PIH1D2: variants seen among roughly 807,000 people sequenced by gnomAD.
PIH1D2 encodes PIH1 domain containing 2.
PIH1D2 carries 25 observed loss-of-function variants against 31.2 expected under a neutral mutation model. The ratio of observed to expected loss-of-function variants is 0.80; its 90% CI spans 0.58 to 1.12. The LOEUF is 1.12. Ranked by LOEUF, PIH1D2 falls within the 50% of genes most tolerant of loss-of-function variation. The pLI, the probability that PIH1D2 is intolerant of heterozygous loss-of-function variation, is 0.00. For synonymous variants in PIH1D2, 116 were observed against 119.9 expected (o/e 0.97, Z 0.21); for missense variants, 310 against 356.6 (o/e 0.87, Z 1.05).
At chr11:112,062,753 G>C, downstream of PIH1D2, 2 of 529,830 alleles carry the variant, frequency 3.8e-6, no homozygotes, top group Non-Finnish European at 6.7e-6. Flanking sequence ...CAGATTTTTA[G>C]CTCTGTACTC....
chr11:112,063,469 G>C (rs1254794209), downstream of PIH1D2: 1 of 152,558 alleles, frequency 6.6e-6, no homozygotes, highest in Non-Finnish European at 1.5e-5. Context: ...TGTTACTAGA[G>C]TTAGATATGT....
chr11:112,053,442 T>G, the PIH1D2 span, among the ~76,000 whole-genome samples: 2 of 147,650 alleles, frequency 1.4e-5, no homozygotes, highest in African/African-American at 2.6e-5. Flanking sequence ...CAACTGTTTG[T>G]TTTTTTTTGT....
chr11:112,064,483 A>G (rs1864832059), downstream of PIH1D2: 1 of 348,168 alleles, frequency 2.9e-6, no homozygotes, highest in South Asian at 6.7e-5. Context: ...AGCTCTCAAT[A>G]CAGATAAATT....
downstream of PIH1D2, among the ~76,000 whole-genome samples, chr11:112,058,533 A>AG (rs1864260587): frequency 7.2e-6 from 1 of 138,234 alleles, no homozygotes; most frequent in Non-Finnish European, 1.5e-5. Flanking sequence ...GAACACTAGC[A>AG]GGGGCCCTTA....
chr11:112,070,405 A>T (rs1566655266), intron 5 of PIH1D2, 31 bp downstream of exon 5: 1 of 1,600,076 alleles, frequency 6.2e-7, no homozygotes, highest in Non-Finnish European at 8.6e-7. Flanking sequence ...GCTGGCCAAT[A>T]CAAATTTACA....
At chr11:112,068,026 G>T in intron 5 of PIH1D2, 21 bp from the exon 6 acceptor site, 1 of 1,484,578 alleles carries the variant, frequency 6.7e-7, no homozygotes, top group Non-Finnish European at 9.2e-7. Flanking sequence ...TAAACCAAGA[G>T]ATTTATTTCC....
chr11:112,057,926 T>C, the PIH1D2 span, among the ~76,000 whole-genome samples: 2 of 152,234 alleles, frequency 1.3e-5, no homozygotes. Context: ...GGTTTTTTGT[T>C]AGTCACGATG....
At chr11:112,062,419 A>G (rs1179087555), downstream of PIH1D2, 7 of 1,612,422 alleles carry the variant, frequency 4.3e-6, no homozygotes, top group East Asian at 8.9e-5. Flanking sequence ...TGATGTGGCT[A>G]GCATGATGTC....
downstream of PIH1D2, chr11:112,059,982 A>G (rs1864454382): frequency 6.2e-7 from 1 of 1,613,922 alleles, no homozygotes; most frequent in Non-Finnish European, 8.5e-7. Flanking sequence ...TGCACATATA[A>G]AAGGAGTGGA....
At chr11:112,073,439 C>T (rs1865212699) in intron 1 of PIH1D2, among the ~76,000 whole-genome samples, 1 of 152,050 alleles carries the variant, frequency 6.6e-6, no homozygotes, top group South Asian at 2.1e-4. Flanking sequence ...TATTTGGACC[C>T]TGACAAGTCA....
At chr11:112,059,796 C>G, downstream of PIH1D2, 1 of 931,046 alleles carries the variant, frequency 1.1e-6, no homozygotes, top group East Asian at 2.7e-5. Flanking sequence ...CAATAACACA[C>G]ATTGGTTCAA....
At chr11:112,055,126 T>C in the PIH1D2 span, among the ~76,000 whole-genome samples, 3 of 152,126 alleles carry the variant, frequency 2.0e-5, no homozygotes, top group Non-Finnish European at 4.4e-5. Flanking sequence ...ACTTTAGTCT[T>C]CCTGTTTTCA....
intron 2 of PIH1D2, among the ~76,000 whole-genome samples, chr11:112,072,341 T>G (rs1592754287): frequency 6.6e-6 from 1 of 150,690 alleles, no homozygotes; most frequent in African/African-American, 2.4e-5. Flanking sequence ...GGCCTAGGAG[T>G]TCGAGATTAG....
Position 112,070,664 on chromosome 11 carries a change from G to T in PIH1D2, c.585C>A (p.Ser195Arg). 1 of 1,614,070 alleles carries T rather than the reference G, an allele frequency of 6.2e-7. No individual in the cohort carries two copies. The highest frequency in any genetic ancestry group is 8.5e-7 in the Non-Finnish European group (1 of 1,179,976). Residue 195 changes from serine to arginine, a missense_variant, in exon 5 of 6, where the codon AGC becomes AGA. Ser to Arg is a moderately radical substitution (Grantham distance 110, BLOSUM62 -1). Coordinates refer to ENST00000280350, the MANE Select transcript of PIH1D2 (RefSeq NM_138789.4). ...ACAGTTGAGGAAAGTGATCTGGATT[G>T]CTCATAGTACTGCTTCGTATCTGTC... ...TLGQIRSSTM[S>R]NPDHFPQLLL...
At chr11:112,071,320 A>C in intron 3 of PIH1D2, 37 bp from the exon 4 acceptor site, 1 of 1,578,206 alleles carries the variant, frequency 6.3e-7, no homozygotes. Context: ...AATGAAGAAA[A>C]ATTGTTGCAC....
At chr11:112,070,978 A>G (rs1555184503) in intron 4 of PIH1D2, 60 bp downstream of exon 4, 1 of 1,550,368 alleles carries the variant, frequency 6.5e-7, no homozygotes, top group African/African-American at 1.4e-5. Flanking sequence ...TGCAAAATGT[A>G]TACAGGATCC....
Position 112,073,078 on chromosome 11 carries a change from A to T in PIH1D2, c.97T>A (p.Phe33Ile). The change falls in exon 2 of 6, where the codon TTT (phenylalanine) becomes ATT (isoleucine). Residue 33 changes from phenylalanine to isoleucine, a missense_variant. Phe to Ile is a conservative substitution (Grantham distance 21). Transcript: ENST00000280350. The part of the protein sequence containing the change: ...AQSDPEGYEK[F>I]IQQQLKEGKQ... ...CCTTCTTTCAGCTGCTGCTGAATAA[A>T]CTTCTCATAGCCCTCAGGGTCACTC... is the stretch of plus-strand genomic sequence containing the variant. 11 of 1,614,130 alleles carry T rather than the reference A, an allele frequency of 6.8e-6. No individual in the cohort carries two copies. Among genetic ancestry groups the T allele is most frequent in the Non-Finnish European group, 8.5e-6 (10 of 1,180,020 alleles).
intron 5 of PIH1D2, 117 bp from the exon 6 acceptor site, chr11:112,068,122 G>T: frequency 1.4e-6 from 1 of 691,136 alleles, no homozygotes; most frequent in Non-Finnish European, 2.3e-6. Context: ...CATGTGACTT[G>T]GAATGAGCAA....
downstream of PIH1D2, chr11:112,061,236 G>A (rs1864600531): frequency 3.8e-6 from 6 of 1,593,496 alleles, no homozygotes; most frequent in Non-Finnish European, 5.2e-6. Context: ...CACTTGTCCT[G>A]TGGTATCCTC....
Sources: allele counts gnomAD v4.1 joint callset (sites outside exome capture counted in the v4.1 genomes callset), GRCh38; gene constraint gnomAD v4.1.1; transcripts MANE v1.5; gene names NCBI Gene and HGNC (gene_info 2026-07-23, HGNC 2026-07-21).